Variants in GRK5 observed in about 807,000 individuals in gnomAD.
GRK5 encodes the protein G protein-coupled receptor kinase 5.
In GRK5, 40 loss-of-function variants were observed where a neutral mutation model predicts 78.4. That is an observed-to-expected ratio of 0.51 (90% CI 0.40 to 0.66). GRK5 has a LOEUF of 0.66. Among genes scored for constraint, GRK5 ranks in the 30% least tolerant of loss-of-function variants. The pLI is 0.00. For missense variants in GRK5, 598 were observed against 759.9 expected (o/e 0.79, Z 2.50); for synonymous variants, 289 against 296.8 (o/e 0.97, Z 0.27).
At chr10:119,448,023 G>A in intron 12 of GRK5, 100 bp from the exon 13 acceptor site, 2 of 1,395,414 alleles carry the variant, frequency 1.4e-6, no homozygotes, top group Non-Finnish European at 1.9e-6. Flanking sequence ...GGGGCAGCGT[G>A]TCTTGGGTTC....
intron 4 of GRK5, among the ~76,000 whole-genome samples, chr10:119,417,233 C>T (rs534727637): frequency 3.9e-5 from 6 of 152,310 alleles, no homozygotes; most frequent in South Asian, 4.1e-4. Flanking sequence ...ACGTGCTTCC[C>T]GGATTCAGTG....
intron 4 of GRK5, among the ~76,000 whole-genome samples, chr10:119,409,829 G>A (rs927883877): frequency 9.2e-5 from 14 of 152,316 alleles, no homozygotes; most frequent in African/African-American, 2.2e-4. Context: ...GAAAGTTGGC[G>A]GGCCCTGCCC....
At chr10:119,327,101 A>C (rs920562180) in intron 2 of GRK5, among the ~76,000 whole-genome samples, 1 of 126,572 alleles carries the variant, frequency 7.9e-6, no homozygotes, top group Non-Finnish European at 1.7e-5. Flanking sequence ...GGGGTGGGGG[A>C]TGTGGGGTGA....
rs1195177977 is a variant in GRK5 at position 119,207,674 on chromosome 10, AG to A, written c.-238del. ...GGGGTGGGGGGGAGCGTGTTGAGGG[AG>A]GGGGGAGGGGGGACACAGAGGGAGG... On this transcript the variant is annotated 5_prime_UTR_variant, in exon 1 of 16. Transcript: ENST00000392870. 10 of 241,938 alleles carry A rather than the reference AG, an allele frequency of 4.1e-5. No individual in the cohort carries two copies. Among genetic ancestry groups the A allele is most frequent in the Non-Finnish European group, 5.4e-5 (8 of 147,690 alleles). The allele number at this position is 241,938 out of a possible 1,614,324, so 15.0% of individuals were successfully genotyped here. A position where few individuals can be genotyped will look rare whatever the true frequency, so the allele number is the denominator to read the frequency against.
rs1012361009 is a variant in GRK5 at position 119,236,509 on chromosome 10, T to C, written c.52+28540T>C. ...GATTACAGGCGTGAGCCACTGCGCC[T>C]GGCCCCTACACACTATTTTAAAAAT... On this transcript the variant is annotated intron_variant, in intron 1 of 15. Coordinates refer to ENST00000392870, the MANE Select transcript of GRK5 (RefSeq NM_005308.3). Among the ~76,000 whole-genome samples the C allele has an allele frequency of 3.9e-5, 6 of 152,136 alleles. 1 individual carries two copies. In the South Asian group the frequency reaches 6.2e-4, roughly 16 times the overall value.
At chr10:119,441,804 C>T (rs1227449673) in intron 10 of GRK5, among the ~76,000 whole-genome samples, 195 bp from the exon 11 acceptor site, 1 of 152,180 alleles carries the variant, frequency 6.6e-6, no homozygotes, top group Non-Finnish European at 1.5e-5. Context: ...GAAGAGTGGG[C>T]ATTTTCCTGT....
intron 1 of GRK5, among the ~76,000 whole-genome samples, chr10:119,311,107 T>C (rs1850351425): frequency 6.6e-6 from 1 of 152,082 alleles, no homozygotes; most frequent in Admixed American, 6.5e-5. Context: ...GGCTCAGAGA[T>C]TATGGTGTGC....
chr10:119,342,496 G>A (rs1044208229), intron 2 of GRK5, among the ~76,000 whole-genome samples: 6 of 152,154 alleles, frequency 3.9e-5, no homozygotes, highest in African/African-American at 1.4e-4. Context: ...GGGGAGGGCT[G>A]CGTAGGGTCT....
chr10:119,291,642 TTCC>T (rs1487709093), intron 1 of GRK5, among the ~76,000 whole-genome samples: 7 of 117,398 alleles, frequency 6.0e-5, no homozygotes, highest in South Asian at 3.2e-4. Flanking sequence ...CCTTCTCTTC[TTCC>T]TCCTCCTCTT....
At chr10:119,397,267 C>G (rs1413933586) in intron 4 of GRK5, among the ~76,000 whole-genome samples, 3 of 152,204 alleles carry the variant, frequency 2.0e-5, no homozygotes, top group Non-Finnish European at 4.4e-5. Flanking sequence ...CCACCCCGAC[C>G]CCACCTCGGG....
At position 119,238,234 on chromosome 10, in the gene GRK5, G is replaced by A. The variant is rs980929375; in HGVS notation, c.52+30265G>A. Among the ~76,000 whole-genome samples the A allele has an allele frequency of 2.6e-5, 4 of 152,290 alleles. No homozygotes were observed. Among genetic ancestry groups the A allele is most frequent in the Admixed American group, 2.6e-4 (4 of 15,284 alleles). Reference sequence around the variant, plus strand: ...TGCTGTGCTGGTGACAGCCGGGAGGGTCAGACTTTATCAGTTTCCTGGGTG... The same window carrying A: ...TGCTGTGCTGGTGACAGCCGGGAGGATCAGACTTTATCAGTTTCCTGGGTG... On this transcript the variant is annotated intron_variant, in intron 1 of 15. Transcript: ENST00000392870. This position sits in a 1 kb window ranked among gnomAD's most constrained non-coding sequence, Gnocchi z 4.7.
intron 2 of GRK5, chr10:119,333,814 C>A (rs1198694765): frequency 1.9e-6 from 1 of 533,080 alleles, no homozygotes; most frequent in Admixed American, 1.9e-5. Flanking sequence ...CACCAAGGAG[C>A]ATGGGAGACC....
intron 10 of GRK5, among the ~76,000 whole-genome samples, chr10:119,441,598 TA>T (rs1853037328): frequency 6.6e-6 from 1 of 152,230 alleles, no homozygotes; most frequent in East Asian, 1.9e-4. Flanking sequence ...CAAATCGTTT[TA>T]TAATTTTTTC....
intron 1 of GRK5, among the ~76,000 whole-genome samples, chr10:119,225,668 C>G (rs950120792): frequency 3.0e-5 from 3 of 100,802 alleles, no homozygotes; most frequent in East Asian, 6.7e-4. Context: ...TTCTCTCTCT[C>G]TCTTTTTTTT....
chr10:119,383,579 C>T (rs1214493922), intron 3 of GRK5, among the ~76,000 whole-genome samples: 2 of 152,258 alleles, frequency 1.3e-5, no homozygotes, highest in Admixed American at 1.3e-4. Flanking sequence ...AAATACCAAA[C>T]TGGTTCACTA....
rs147119258 is a variant in GRK5, at chr10:119,455,008, A to T, written c.1714A>T (p.Ser572Cys). The change falls in exon 16 of 16, where the codon AGT becomes TGT. Residue 572 changes from serine (S) to cysteine (C), a missense_variant. Ser to Cys is a moderately radical substitution (Grantham distance 112). Transcript: ENST00000392870. Reference protein sequence around the residue: ...NSKSSPSSKTSFNHHINSNHV... With the variant: ...NSKSSPSSKTCFNHHINSNHV... ...CAAGAGTTCGCCCAGCTCCAAGACC[A>T]GTTTTAACCACCACATAAACTCAAA... The T allele has an allele frequency of 4.5e-5, 73 of 1,613,990 alleles. 1 individual carries two copies. Among genetic ancestry groups the T allele is most frequent in the East Asian group, 2.0e-4 (9 of 44,880 alleles).
At position 119,431,518 on chromosome 10, in the gene GRK5, T is replaced by C. The variant is rs754375992; in HGVS notation, c.729T>C (p.Ser243=). The C allele has an allele frequency of 6.2e-7, 1 of 1,613,126 alleles. No individual in the cohort carries two copies. Among genetic ancestry groups the C allele is most frequent in the East Asian group, 2.2e-5 (1 of 44,786 alleles). The change falls in exon 8 of 16, where the codon AGT becomes AGC. Residue 243 remains serine (S), a synonymous_variant. Coordinates refer to ENST00000392870, the MANE Select transcript of GRK5 (RefSeq NM_005308.3). The surrounding 1 kb of genome is among the most constrained non-coding windows in gnomAD (Gnocchi z 4.8). The part of the protein sequence containing the change: ...NEKQILEKVN[S]QFVVNLAYAY... The stretch of plus-strand genomic sequence containing the variant: ...AGCAGATCCTCGAGAAGGTCAACAG[T>C]CAGTTTGTGGTGAGTGAGCATCTGG...
intron 1 of GRK5, among the ~76,000 whole-genome samples, chr10:119,245,051 G>A (rs899170860): frequency 1.3e-5 from 2 of 152,200 alleles, no homozygotes; most frequent in African/African-American, 4.8e-5. Flanking sequence ...GCCGAGGTGG[G>A]TGGATCACGA....
At chr10:119,281,966 C>G (rs1849770291) in intron 1 of GRK5, among the ~76,000 whole-genome samples, 1 of 152,200 alleles carries the variant, frequency 6.6e-6, no homozygotes, top group Non-Finnish European at 1.5e-5. Context: ...TGAGCCTATC[C>G]TGTTTCTCAT....
Sources: allele counts gnomAD v4.1 joint callset (sites outside exome capture counted in the v4.1 genomes callset), GRCh38; gene constraint gnomAD v4.1.1; non-coding constraint Gnocchi (gnomAD v3.1); transcripts MANE v1.5; gene names NCBI Gene and HGNC (gene_info 2026-07-23, HGNC 2026-07-21).